Variants in UGT1A7 observed in about 807,000 individuals in gnomAD.
The protein encoded by UGT1A7 is UDP-glucuronosyltransferase 1A7.
Under a neutral mutation model 45.6 loss-of-function variants are expected in UGT1A7, and 33 were observed. The observed-to-expected ratio is 0.72, with a 90% CI of 0.55 to 0.97. The LOEUF is 0.97. Ranked by LOEUF, UGT1A7 falls within the 50% of genes least tolerant of loss-of-function variation. The pLI is 0.00. For synonymous variants in UGT1A7, 274 were observed against 250.6 expected (o/e 1.09, Z -0.88); for missense variants, 684 against 666.2 (o/e 1.03, Z -0.29).
At chr2:233,766,917 A>C (rs993857330) in intron 1 of UGT1A7, 117 bp from the exon 2 acceptor site, 136 of 1,547,100 alleles carry the variant, frequency 8.8e-5, no homozygotes, top group Admixed American at 4.9e-4. Flanking sequence ...CTCTATCTCA[A>C]ACACGCATGC....
chr2:233,724,866 G>A (rs1361964524), intron 1 of UGT1A7, among the ~76,000 whole-genome samples: 1 of 128,896 alleles, frequency 7.8e-6, no homozygotes, highest in Non-Finnish European at 1.6e-5. Flanking sequence ...GGTGTAGGTT[G>A]TAGTGAGCGG....
intron 1 of UGT1A7, chr2:233,692,913 A>G: frequency 3.8e-6 from 6 of 1,559,188 alleles, no homozygotes; most frequent in Non-Finnish European, 5.2e-6. Flanking sequence ...ACCTGTGAAA[A>G]GCAGTGGTTA....
At chr2:233,696,174 A>G (rs1477446914) in intron 1 of UGT1A7, among the ~76,000 whole-genome samples, 1 of 152,242 alleles carries the variant, frequency 6.6e-6, no homozygotes, top group African/African-American at 2.4e-5. Flanking sequence ...AAAAATATAT[A>G]TTGAAGAGCT....
intron 1 of UGT1A7, among the ~76,000 whole-genome samples, chr2:233,745,546 A>G (rs1693142103): frequency 6.6e-6 from 1 of 151,692 alleles, no homozygotes. Flanking sequence ...CACCAGAACA[A>G]ACTTCTAAGT....
At chr2:233,723,536 T>TTTTTA (rs1553611580) in intron 1 of UGT1A7, among the ~76,000 whole-genome samples, 1 of 121,444 alleles carries the variant, frequency 8.2e-6, no homozygotes, top group African/African-American at 3.3e-5. Flanking sequence ...TTTTTTTTTT[T>TTTTTA]AATTTATTTT....
intron 1 of UGT1A7, among the ~76,000 whole-genome samples, chr2:233,733,426 T>C (rs1228976842): frequency 1.3e-5 from 2 of 152,226 alleles, no homozygotes; most frequent in African/African-American, 4.8e-5. Context: ...GCCTACTCAG[T>C]ATGATATTGG....
At chr2:233,690,231 T>G (rs1054850541) in intron 1 of UGT1A7, among the ~76,000 whole-genome samples, 5 of 152,232 alleles carry the variant, frequency 3.3e-5, no homozygotes, top group South Asian at 2.1e-4. Flanking sequence ...TATTCTAGAT[T>G]CAGCAAATTT....
At chr2:233,724,365 G>A (rs1424941561) in intron 1 of UGT1A7, among the ~76,000 whole-genome samples, 1 of 148,100 alleles carries the variant, frequency 6.8e-6, no homozygotes, top group African/African-American at 2.5e-5. Flanking sequence ...CTCCCGGACG[G>A]GGTGGCTGCC....
At chr2:233,685,598 A>C (rs2074745472) in intron 1 of UGT1A7, among the ~76,000 whole-genome samples, 1 of 152,210 alleles carries the variant, frequency 6.6e-6, no homozygotes. Context: ...GCCTCCCTCC[A>C]AGATTATTTA....
At chr2:233,767,273 T>C (rs772040465) in intron 2 of UGT1A7, 108 bp downstream of exon 2, 1 of 1,581,726 alleles carries the variant, frequency 6.3e-7, no homozygotes, top group Non-Finnish European at 8.5e-7. Context: ...GATTTGGCTT[T>C]TCCCTGCCAC....
intron 1 of UGT1A7, among the ~76,000 whole-genome samples, chr2:233,727,663 T>C (rs1439134101): frequency 6.6e-6 from 1 of 152,170 alleles, no homozygotes; most frequent in Non-Finnish European, 1.5e-5. Context: ...GTGCTCTATG[T>C]CCTTACAAAT....
intron 1 of UGT1A7, among the ~76,000 whole-genome samples, chr2:233,721,082 T>C (rs2125680652): frequency 6.6e-6 from 1 of 152,322 alleles, no homozygotes; most frequent in South Asian, 2.1e-4. Flanking sequence ...TGAACTTCCA[T>C]GAGTTTAGGT....
intron 2 of UGT1A7, 81 bp from the exon 3 acceptor site, chr2:233,767,768 G>T: frequency 6.2e-7 from 1 of 1,610,138 alleles, no homozygotes. Context: ...GAGGACCCCT[G>T]TTTTCTAGTT....
intron 1 of UGT1A7, among the ~76,000 whole-genome samples, chr2:233,756,604 C>T (rs914908855): frequency 6.6e-6 from 1 of 152,112 alleles, no homozygotes; most frequent in South Asian, 2.1e-4. Flanking sequence ...TGTATCGAAA[C>T]CATTAAGACT....
At chr2:233,689,040 T>C (rs1410007859) in intron 1 of UGT1A7, among the ~76,000 whole-genome samples, 3 of 152,238 alleles carry the variant, frequency 2.0e-5, no homozygotes, top group Non-Finnish European at 4.4e-5. Context: ...AATCCTACTT[T>C]ATGTCTCTTC....
At chr2:233,695,198 C>T (rs2075272132) in intron 1 of UGT1A7, among the ~76,000 whole-genome samples, 1 of 150,442 alleles carries the variant, frequency 6.6e-6, no homozygotes, top group South Asian at 2.1e-4. Flanking sequence ...CGATCTCAGC[C>T]CACTGCAACC....
chr2:233,682,246 A>T lies in UGT1A7; in HGVS notation c.309A>T (p.Arg103=). The change falls in exon 1 of 5, where the codon CGA becomes CGT. Residue 103 remains arginine (R), a synonymous_variant. Coordinates refer to ENST00000373426, the MANE Select transcript of UGT1A7 (RefSeq NM_019077.3). ...ATGCTCGCTGGACGGCACCATTGCG[A>T]AGTGCATTTTCTCTATTAACAAGTT... ...FADARWTAPL[R]SAFSLLTSSS... is the part of the protein sequence containing the mutation. 6.2e-7 allele frequency: 1 copy of T among 1,614,216 alleles called. No homozygotes were observed. Among genetic ancestry groups the T allele is most frequent in the Non-Finnish European group, 8.5e-7 (1 of 1,180,028 alleles).
chr2:233,714,641 A>G (rs2076402561), intron 1 of UGT1A7, among the ~76,000 whole-genome samples: 1 of 152,230 alleles, frequency 6.6e-6, no homozygotes. Flanking sequence ...ATTAATGTGA[A>G]TAATGCATTT....
chr2:233,745,632 G>A (rs1693165975), intron 1 of UGT1A7, among the ~76,000 whole-genome samples: 1 of 151,552 alleles, frequency 6.6e-6, no homozygotes, highest in Non-Finnish European at 1.5e-5. Flanking sequence ...GTCATAGAAA[G>A]CTGGCCGAGG....
Sources: allele counts gnomAD v4.1 joint callset (sites outside exome capture counted in the v4.1 genomes callset), GRCh38; gene constraint gnomAD v4.1.1; transcripts MANE v1.5; gene names NCBI Gene and HGNC (gene_info 2026-07-23, HGNC 2026-07-21).